Variants in PITPNA observed in about 807,000 individuals in gnomAD.
PITPNA encodes phosphatidylinositol transfer protein alpha isoform.
In PITPNA, 13 loss-of-function variants were observed where a neutral mutation model predicts 50.3. The ratio of observed to expected loss-of-function variants is 0.26; its 90% CI spans 0.17 to 0.41. The LOEUF (loss-of-function observed/expected upper bound fraction) is 0.41. Ranked by LOEUF, PITPNA falls within the 10% of genes least tolerant of loss-of-function variation. The pLI is 1.00. For missense variants in PITPNA, 207 were observed against 333.4 expected, an observed-to-expected ratio of 0.62 and a Z score of 2.95; for synonymous variants, 120 against 119.6, an observed-to-expected ratio of 1.00 and a Z score of -0.02.
chr17:1,560,700 A>G (rs1028564619), intron 1 of PITPNA, among the ~76,000 whole-genome samples: 1 of 152,250 alleles, frequency 6.6e-6, no homozygotes, highest in African/African-American at 2.4e-5. Context: ...AAAGCCTGTC[A>G]GTCTGGACAC....
chr17:1,535,251 T>G lies in PITPNA; in HGVS notation c.576A>C (p.Ala192=), dbSNP rs1200717260. 1 of 1,613,936 alleles carries G rather than the reference T, an allele frequency of 6.2e-7. No homozygotes were observed. The highest frequency in any genetic ancestry group is 8.5e-7 in the Non-Finnish European group (1 of 1,179,768). ...TGAACTTGACGGTCACCAGTTTGTATGCACACATATATGGGCAGTCCTTCT... is the reference window on the plus strand; with the variant it reads ...TGAACTTGACGGTCACCAGTTTGTAGGCACACATATATGGGCAGTCCTTCT... ...VNQKDCPYMC[A]YKLVTVKFKW... Residue 192 remains alanine (A), a synonymous_variant, in exon 9 of 12, where the codon GCA becomes GCC. Coordinates refer to ENST00000313486, the MANE Select transcript of PITPNA (RefSeq NM_006224.4).
chr17:1,559,436 A>T (rs2075756836), intron 1 of PITPNA: 1 of 152,270 alleles, frequency 6.6e-6, no homozygotes, highest in Non-Finnish European at 1.5e-5. Context: ...TGCATGTGAA[A>T]TGCAGACCAA....
intron 4 of PITPNA, among the ~76,000 whole-genome samples, chr17:1,547,903 AG>A (rs1443262364): frequency 1.3e-5 from 2 of 152,140 alleles, no homozygotes; most frequent in African/African-American, 4.8e-5. Context: ...CTGAGGCAGC[AG>A]AATTGCTTGA....
chr17:1,558,619 T>A, intron 1 of PITPNA, 60 bp from the exon 2 acceptor site: 1 of 1,182,912 alleles, frequency 8.5e-7, no homozygotes, highest in Non-Finnish European at 1.3e-6. Context: ...CAAGGCTCTT[T>A]AAAGCATCAT....
intron 8 of PITPNA, 30 bp downstream of exon 8, chr17:1,535,411 G>GC: frequency 2.5e-6 from 4 of 1,580,276 alleles, no homozygotes; most frequent in Non-Finnish European, 3.5e-6. Context: ...ATGCTGCCCA[G>GC]CCCCCTGGCA....
At chr17:1,525,713 T>G (rs1434733383) in intron 10 of PITPNA, among the ~76,000 whole-genome samples, 2 of 152,060 alleles carry the variant, frequency 1.3e-5, no homozygotes, top group Non-Finnish European at 2.9e-5. Context: ...AGACGAGGTT[T>G]CTCCATGTTG....
chr17:1,528,475 A>T (rs1305449930), intron 10 of PITPNA, among the ~76,000 whole-genome samples: 1 of 152,158 alleles, frequency 6.6e-6, no homozygotes, highest in Non-Finnish European at 1.5e-5. Context: ...GGCCAGGTAT[A>T]GTGGCTCATG....
chr17:1,550,916 G>C (rs1432060443), intron 3 of PITPNA, among the ~76,000 whole-genome samples: 5 of 152,260 alleles, frequency 3.3e-5, no homozygotes, highest in African/African-American at 1.2e-4. Context: ...TAGTAATCCA[G>C]GCAAGAGGTG....
At chr17:1,527,632 T>A (rs1428677421) in intron 10 of PITPNA, among the ~76,000 whole-genome samples, 1 of 152,238 alleles carries the variant, frequency 6.6e-6, no homozygotes, top group Non-Finnish European at 1.5e-5. Flanking sequence ...ATTCACCTAT[T>A]AGTTATTTGG....
chr17:1,548,882 T>C (rs2075692701), intron 3 of PITPNA, among the ~76,000 whole-genome samples: 1 of 152,166 alleles, frequency 6.6e-6, no homozygotes, highest in Non-Finnish European at 1.5e-5. Flanking sequence ...GACAAAGTAT[T>C]TTCTTCTACT....
chr17:1,550,627 C>G (rs1037809578), intron 3 of PITPNA, among the ~76,000 whole-genome samples: 3 of 151,998 alleles, frequency 2.0e-5, no homozygotes, highest in Admixed American at 6.6e-5. Flanking sequence ...TTCCTGGGCT[C>G]AGGTGATCCT....
At position 1,549,681 on chromosome 17, in the gene PITPNA, G is replaced by GTTTT. The variant is rs2075698234; in HGVS notation, c.198-1298_198-1295dup. Among the ~76,000 whole-genome samples, 2 of 142,510 alleles carry GTTTT rather than the reference G, an allele frequency of 1.4e-5. 1 individual carries two copies. Among genetic ancestry groups the GTTTT allele is most frequent in the African/African-American group, 5.3e-5 (2 of 37,492 alleles). The allele number at this position is 142,510 out of a possible 152,430, so 93.5% of individuals were successfully genotyped here. On this transcript the variant is annotated intron_variant, in intron 3 of 11. Transcript: ENST00000313486. ...ATATTCCTTTTCCTTTTTTTTGTTT[G>GTTTT]TTTTTGTTTTTTGAGATGGAGCCTT...
At chr17:1,546,108 T>C (rs1292419178) in intron 4 of PITPNA, among the ~76,000 whole-genome samples, 1 of 151,834 alleles carries the variant, frequency 6.6e-6, no homozygotes, top group Non-Finnish European at 1.5e-5. Flanking sequence ...TTTGTATTTT[T>C]AGTAGAAACG....
At position 1,541,553 on chromosome 17, in the gene PITPNA, A is replaced by G. The variant is rs1206902481; in HGVS notation, c.372+13T>C. On this transcript the variant is annotated intron_variant, in intron 6 of 11. Coordinates refer to ENST00000313486, the MANE Select transcript of PITPNA (RefSeq NM_006224.4). ...AGACCTCACCCCTGGGGCTTTTGGG[A>G]ACTACTACTCACATTCTCCTGCGTG... The G allele has an allele frequency of 1.2e-6, 2 of 1,600,602 alleles. No individual in the cohort carries two copies. Among genetic ancestry groups the G allele is most frequent in the East Asian group, 4.5e-5 (2 of 44,814 alleles).
chr17:1,556,015 G>A (rs1441767782), intron 2 of PITPNA, among the ~76,000 whole-genome samples: 1 of 152,100 alleles, frequency 6.6e-6, no homozygotes, highest in East Asian at 1.9e-4. Context: ...AAACTGCAAA[G>A]GCCTCAAGTC....
intron 10 of PITPNA, among the ~76,000 whole-genome samples, chr17:1,529,653 C>T (rs1434904218): frequency 6.6e-6 from 1 of 151,878 alleles, no homozygotes; most frequent in Admixed American, 6.6e-5. Flanking sequence ...TCAGGAGTTC[C>T]AGACCAGCCC....
At chr17:1,532,091 T>C (rs188834044) in intron 10 of PITPNA, among the ~76,000 whole-genome samples, 6,434 of 152,128 alleles carry the variant, frequency 0.042, 469 homozygotes, top group African/African-American at 0.15. Flanking sequence ...TTCTTTTCTT[T>C]TTCTTTTTTT....
At chr17:1,558,325 T>G (rs960157777) in intron 2 of PITPNA, among the ~76,000 whole-genome samples, 7 of 151,902 alleles carry the variant, frequency 4.6e-5, no homozygotes, top group Admixed American at 6.6e-5. Context: ...ACCAACAGCT[T>G]GGGACAGGTT....
chr17:1,528,839 A>G (rs761047172), intron 10 of PITPNA, among the ~76,000 whole-genome samples: 4 of 152,010 alleles, frequency 2.6e-5, no homozygotes, highest in Non-Finnish European at 5.9e-5. Flanking sequence ...GTTGGAGGGA[A>G]TTAAGACTCC....
Sources: gnomAD v4.1 joint callset for allele counts (sites outside exome capture counted in the v4.1 genomes callset) on GRCh38, gnomAD v4.1.1 for gene constraint, MANE v1.5 for transcripts, NCBI Gene and HGNC (gene_info 2026-07-23, HGNC 2026-07-21) for gene names.